Variants in SLC9B1 observed in about 807,000 individuals in gnomAD.
SLC9B1 encodes solute carrier family 9 member B1.
In SLC9B1, 32 loss-of-function variants were observed where a neutral mutation model predicts 51.7. The observed-to-expected ratio is 0.62, with a 90% CI of 0.47 to 0.83. SLC9B1 has a LOEUF of 0.83. Ranked by LOEUF, SLC9B1 falls within the 40% of genes least tolerant of loss-of-function variation. The pLI is 0.00. For missense variants in SLC9B1, 406 were observed against 613.2 expected (o/e 0.66, Z 3.57); for synonymous variants, 145 against 212.7 (o/e 0.68, Z 2.77).
At chr4:102,987,255 T>C (rs753833006) in intron 3 of SLC9B1, among the ~76,000 whole-genome samples, 28 of 152,008 alleles carry the variant, frequency 1.8e-4, no homozygotes, top group Admixed American at 7.2e-4. Context: ...GAGGCCAGAG[T>C]TGGATATTTT....
At chr4:102,921,160 A>C (rs1257980245) in intron 7 of SLC9B1, among the ~76,000 whole-genome samples, 3 of 152,220 alleles carry the variant, frequency 2.0e-5, no homozygotes, top group Non-Finnish European at 4.4e-5. Context: ...GCACCCAGAG[A>C]GAAAGGTCAG....
At chr4:102,957,853 C>T (rs981934730) in intron 3 of SLC9B1, among the ~76,000 whole-genome samples, 3 of 151,854 alleles carry the variant, frequency 2.0e-5, no homozygotes, top group Non-Finnish European at 4.4e-5. Context: ...TTATTATAGG[C>T]AATAACTATA....
At chr4:102,917,997 G>A (rs1005663217) in intron 7 of SLC9B1, among the ~76,000 whole-genome samples, 2 of 150,402 alleles carry the variant, frequency 1.3e-5, no homozygotes, top group Non-Finnish European at 3.0e-5. Context: ...TGAACCGGGA[G>A]GCAGAGGCTG....
chr4:102,888,030 G>C (rs1200577718), intron 11 of SLC9B1: 1 of 151,300 alleles, frequency 6.6e-6, no homozygotes, highest in Non-Finnish European at 1.5e-5. Context: ...TAAAAGATTT[G>C]TTTACTTTAC....
intron 11 of SLC9B1, among the ~76,000 whole-genome samples, chr4:102,904,977 C>CT (rs1239740806): frequency 3.5e-5 from 4 of 115,398 alleles, no homozygotes; most frequent in Admixed American, 9.0e-5. Context: ...GAGTGAGACT[C>CT]TGTCTCAAAA....
At chr4:102,976,217 A>G (rs756124941) in intron 3 of SLC9B1, among the ~76,000 whole-genome samples, 9 of 152,210 alleles carry the variant, frequency 5.9e-5, no homozygotes, top group Non-Finnish European at 1.0e-4. Flanking sequence ...AAACCCCAGC[A>G]ATTTCACCAG....
chr4:102,937,429 A>C (rs1736774509), intron 6 of SLC9B1, among the ~76,000 whole-genome samples: 2 of 148,022 alleles, frequency 1.4e-5, no homozygotes, highest in Admixed American at 6.7e-5. Context: ...AAAAAAAAAA[A>C]AAAAAAAAAA....
chr4:102,940,595 A>G (rs1197444418), intron 6 of SLC9B1, among the ~76,000 whole-genome samples: 4 of 152,250 alleles, frequency 2.6e-5, no homozygotes, highest in Non-Finnish European at 5.9e-5. Flanking sequence ...AGCCAAAAGC[A>G]TCACACTACC....
In SLC9B1 at chr4:102,931,878, A is replaced by G. The variant is rs144345775; in HGVS notation, c.829+246T>C. On this transcript the variant is annotated intron_variant, in intron 7 of 11. Coordinates refer to ENST00000296422, the MANE Select transcript of SLC9B1 (RefSeq NM_139173.4). ...AAAGCAATATAAGCAGATACATAGTAATAATATGGTTTATCAAATTAATTG... is the reference window on the plus strand; with the variant it reads ...AAAGCAATATAAGCAGATACATAGTGATAATATGGTTTATCAAATTAATTG... 5.1e-3 allele frequency among the ~76,000 whole-genome samples: 783 copies of G among 152,370 alleles called. 8 individuals carry two copies. Among genetic ancestry groups the G allele is most frequent in the African/African-American group, 0.018 (744 of 41,590 alleles).
rs191286121 is a variant in SLC9B1 at position 102,924,086 on chromosome 4, C to A, written c.829+8038G>T. 2.3e-3 allele frequency among the ~76,000 whole-genome samples: 346 copies of A among 152,264 alleles called. 1 individual carries two copies. Among genetic ancestry groups the A allele is most frequent in the African/African-American group, 7.8e-3 (324 of 41,550 alleles). ...AAGTTCATATGGAACCAAAAAAGAA[C>A]CTGCATTGCCAAGACAGTCTTAAGC... On this transcript the variant is annotated intron_variant, in intron 7 of 11. Coordinates refer to ENST00000296422, the MANE Select transcript of SLC9B1 (RefSeq NM_139173.4).
At chr4:102,941,510 T>A in intron 6 of SLC9B1, 1 of 453,726 alleles carries the variant, frequency 2.2e-6, no homozygotes, top group Non-Finnish European at 4.4e-6. Flanking sequence ...CTGGCGAGCT[T>A]GGGGAGCTAC....
intron 11 of SLC9B1, chr4:102,885,438 G>A: frequency 6.2e-7 from 1 of 1,608,668 alleles, no homozygotes; most frequent in African/African-American, 1.3e-5. Flanking sequence ...ACGGTAAGAT[G>A]TCTGTTTACG....
At chr4:103,000,300 T>C (rs192977872) in intron 1 of SLC9B1, among the ~76,000 whole-genome samples, 58 of 152,288 alleles carry the variant, frequency 3.8e-4, no homozygotes, top group Non-Finnish European at 7.2e-4. Flanking sequence ...TCTTAACTCA[T>C]TCCAGCATTA....
At chr4:102,921,946 C>T (rs953993728) in intron 7 of SLC9B1, among the ~76,000 whole-genome samples, 2 of 152,058 alleles carry the variant, frequency 1.3e-5, no homozygotes, top group Non-Finnish European at 2.9e-5. Context: ...ACTTAGACTC[C>T]CACACAATAA....
rs556643368 is a variant in SLC9B1 at position 102,970,088 on chromosome 4, C to T, written c.211+19712G>A. On this transcript the variant is annotated intron_variant, in intron 3 of 11. Transcript: ENST00000296422. ...TTCAGGATATTATTCAGGAGAACTT[C>T]CCCAACCTAGCAAGGCAGGCCAACA... is the stretch of plus-strand genomic sequence containing the variant. Among the ~76,000 whole-genome samples, 187 of 152,274 alleles carry T rather than the reference C, an allele frequency of 1.2e-3. 1 individual carries two copies. Among genetic ancestry groups the T allele is most frequent in the Middle Eastern group, 0.01 (3 of 294 alleles).
At chr4:102,908,727 A>G (rs2110430129) in intron 9 of SLC9B1, among the ~76,000 whole-genome samples, 1 of 152,430 alleles carries the variant, frequency 6.6e-6, no homozygotes. Context: ...GGAAAACCCA[A>G]TAGGTTTGGT....
chr4:102,975,992 T>C (rs1227573570), intron 3 of SLC9B1, among the ~76,000 whole-genome samples: 3 of 152,032 alleles, frequency 2.0e-5, no homozygotes, highest in African/African-American at 7.3e-5. Flanking sequence ...GAGTGATATT[T>C]GGTATTTAGA....
chr4:102,907,697 G>T (rs1735121595), intron 9 of SLC9B1, among the ~76,000 whole-genome samples: 1 of 151,902 alleles, frequency 6.6e-6, no homozygotes, highest in South Asian at 2.1e-4. Context: ...TTTTTAAACA[G>T]AAGATACATA....
intron 5 of SLC9B1, among the ~76,000 whole-genome samples, chr4:102,946,204 A>G (rs1407298693): frequency 4.6e-5 from 7 of 152,218 alleles, no homozygotes; most frequent in Non-Finnish European, 8.8e-5. Context: ...ACCTTACAAC[A>G]CAGTCAATTC....
Sources: allele counts gnomAD v4.1 joint callset (sites outside exome capture counted in the v4.1 genomes callset), GRCh38; gene constraint gnomAD v4.1.1; transcripts MANE v1.5; gene names NCBI Gene and HGNC (gene_info 2026-07-23, HGNC 2026-07-21).